Variants in MED12L observed in about 807,000 individuals in gnomAD.
MED12L encodes mediator complex subunit 12L.
MED12L carries 60 observed loss-of-function variants against 281.3 expected under a neutral mutation model. That is an observed-to-expected ratio of 0.21 (90% CI 0.17 to 0.26). The LOEUF is 0.26. MED12L is among the 10% of genes least tolerant of loss of function. MED12L has a pLI of 1.00. For synonymous variants in MED12L, 974 were observed against 987.2 expected (o/e 0.99, Z 0.25); for missense variants, 2,146 against 2,680.9 (o/e 0.80, Z 4.41).
At chr3:151,381,167 A>G (rs1440924508) in intron 32 of MED12L, among the ~76,000 whole-genome samples, 1 of 152,178 alleles carries the variant, frequency 6.6e-6, no homozygotes, top group East Asian at 1.9e-4. Context: ...TTATCCTGAT[A>G]CACAGCCTAA....
intron 16 of MED12L, among the ~76,000 whole-genome samples, chr3:151,273,569 C>A (rs1741367621): frequency 6.6e-6 from 1 of 151,900 alleles, no homozygotes; most frequent in East Asian, 1.9e-4. Context: ...AATTACTGTT[C>A]TGGGTAATTT....
chr3:151,396,281 A>C (rs1714955132), intron 39 of MED12L, among the ~76,000 whole-genome samples: 1 of 152,214 alleles, frequency 6.6e-6, no homozygotes, highest in South Asian at 2.1e-4. Context: ...AAAAAATTTC[A>C]CTAGAAGTTG....
chr3:151,236,402 G>A (rs1244622345), intron 16 of MED12L, among the ~76,000 whole-genome samples: 1 of 152,176 alleles, frequency 6.6e-6, no homozygotes, highest in Non-Finnish European at 1.5e-5. Context: ...GATTCAGGAA[G>A]CATTCTTGTT....
In MED12L at chr3:151,433,993, C is replaced by T. The variant is rs1232180962; in HGVS notation, c.*1189C>T. 1 of 152,378 alleles carries T rather than the reference C, an allele frequency of 6.6e-6. No homozygotes were observed. Among genetic ancestry groups the T allele is most frequent in the Non-Finnish European group, 1.5e-5 (1 of 67,980 alleles). The allele number at this position is 152,378 out of a possible 1,614,324, so 9.4% of individuals were successfully genotyped here. On this transcript the variant is annotated 3_prime_UTR_variant, in exon 45 of 45. Coordinates refer to ENST00000687756, the MANE Select transcript of MED12L (RefSeq NM_001393769.1). Reference sequence around the variant, plus strand: ...GCTCCTATTAGAGTAAAAAAGAAACCAGTAAATTATCAGTTTGTGTAACTT... The same window carrying T: ...GCTCCTATTAGAGTAAAAAAGAAACTAGTAAATTATCAGTTTGTGTAACTT...
At chr3:151,146,597 C>T (rs1261903714) in intron 5 of MED12L, among the ~76,000 whole-genome samples, 6 of 152,100 alleles carry the variant, frequency 3.9e-5, no homozygotes, top group Admixed American at 1.3e-4. Flanking sequence ...GTACTTTGCA[C>T]GGTGTCATTG....
At chr3:151,373,281 C>G (rs1419421575) in intron 27 of MED12L, among the ~76,000 whole-genome samples, 1 of 152,114 alleles carries the variant, frequency 6.6e-6, no homozygotes, top group Non-Finnish European at 1.5e-5. Context: ...ATCTTGAGTT[C>G]TTTCAGGTAA....
At chr3:151,278,920 C>T (rs1240638036) in intron 16 of MED12L, among the ~76,000 whole-genome samples, 1 of 152,210 alleles carries the variant, frequency 6.6e-6, no homozygotes, top group Non-Finnish European at 1.5e-5. Flanking sequence ...TTGAACATTA[C>T]TGATAAATAG....
intron 17 of MED12L, among the ~76,000 whole-genome samples, chr3:151,351,248 C>T (rs116643065): frequency 5.0e-4 from 76 of 152,180 alleles, no homozygotes; most frequent in African/African-American, 1.8e-3. Context: ...TCTTTCTTCC[C>T]GGTCAATCAT....
At chr3:151,353,189 A>G (rs1753455374) in intron 17 of MED12L, among the ~76,000 whole-genome samples, 1 of 152,246 alleles carries the variant, frequency 6.6e-6, no homozygotes, top group Non-Finnish European at 1.5e-5. Flanking sequence ...TGTTGTTATT[A>G]TTTGTTTTGT....
At chr3:151,172,832 T>C (rs561082995) in intron 11 of MED12L, among the ~76,000 whole-genome samples, 100 of 152,350 alleles carry the variant, frequency 6.6e-4, no homozygotes, top group Middle Eastern at 3.4e-3. Context: ...CAGAAGTGTA[T>C]TGTGCTTCAG....
intron 16 of MED12L, chr3:151,337,440 G>A (rs150127393): frequency 0.024 from 4,846 of 199,352 alleles, 69 homozygotes; most frequent in Non-Finnish European, 0.034. Context: ...CCAATTGATC[G>A]TTCTTCCTTA....
rs1176157292 is a variant in MED12L, at chr3:151,198,332, G to GTTT, written c.2250+4673_2250+4675dup. 268 of 866,686 alleles carry GTTT rather than the reference G, an allele frequency of 3.1e-4. 9 individuals carry two copies. The highest frequency in any genetic ancestry group is 4.6e-4 in the Admixed American group (15 of 32,454). 53.7% of individuals were successfully genotyped at this position (866,686 alleles called of 1,614,324 possible). A position where few individuals can be genotyped will look rare whatever the true frequency, so the allele number is the denominator to read the frequency against. On this transcript the variant is annotated intron_variant, in intron 16 of 44. Coordinates refer to ENST00000687756, the MANE Select transcript of MED12L (RefSeq NM_001393769.1). ...AGCTAACTGTATTTTTTCATACTGAGTTTTTTTTTGTTTTTTTTTTTTTTA... is the reference window on the plus strand; with the variant it reads ...AGCTAACTGTATTTTTTCATACTGAGTTTTTTTTTTTTGTTTTTTTTTTTTTTA...
intron 2 of MED12L, among the ~76,000 whole-genome samples, chr3:151,096,691 G>A (rs564498694): frequency 9.8e-5 from 15 of 152,312 alleles, no homozygotes; most frequent in African/African-American, 2.9e-4. Context: ...TAGCTAGAAG[G>A]GAACTTTGAG....
At chr3:151,285,726 C>G (rs939261960) in intron 16 of MED12L, among the ~76,000 whole-genome samples, 1 of 151,772 alleles carries the variant, frequency 6.6e-6, no homozygotes, top group African/African-American at 2.4e-5. Context: ...AAATCTAATC[C>G]CCAATGTGTT....
intron 16 of MED12L, chr3:151,294,925 C>T (rs1439740029): frequency 6.2e-7 from 1 of 1,614,016 alleles, no homozygotes; most frequent in South Asian, 1.1e-5. Flanking sequence ...ACTTGAAGTA[C>T]CAAGGTCCAA....
intron 16 of MED12L, among the ~76,000 whole-genome samples, chr3:151,234,526 G>A (rs1732331092): frequency 6.6e-6 from 1 of 152,160 alleles, no homozygotes; most frequent in African/African-American, 2.4e-5. Context: ...TGTATTTTCA[G>A]TTAACCCAGC....
chr3:151,149,966 C>A (rs956732629), intron 5 of MED12L, among the ~76,000 whole-genome samples: 1 of 152,178 alleles, frequency 6.6e-6, no homozygotes, highest in African/African-American at 2.4e-5. Flanking sequence ...CTGTTGCTGT[C>A]TCCTCCACTG....
chr3:151,266,815 T>C (rs889093843), intron 16 of MED12L, among the ~76,000 whole-genome samples: 4 of 152,206 alleles, frequency 2.6e-5, no homozygotes, highest in East Asian at 3.9e-4. Flanking sequence ...GTGCTGTAGA[T>C]GTCCTACGAA....
At chr3:151,120,465 G>T (rs888426693) in intron 3 of MED12L, among the ~76,000 whole-genome samples, 1 of 152,140 alleles carries the variant, frequency 6.6e-6, no homozygotes, top group South Asian at 2.1e-4. Context: ...GCAACATTTT[G>T]CAAAAAATGC....
Sources: gnomAD v4.1 joint callset for allele counts (sites outside exome capture counted in the v4.1 genomes callset) on GRCh38, gnomAD v4.1.1 for gene constraint, MANE v1.5 for transcripts, NCBI Gene and HGNC (gene_info 2026-07-23, HGNC 2026-07-21) for gene names.